The following NOXA1 variants were observed in gnomAD, a reference collection of about 807,000 sequenced individuals.
The protein encoded by NOXA1 is NADPH oxidase activator 1, also known as NCF2-like protein.
Under a neutral mutation model 64.8 loss-of-function variants are expected in NOXA1, and 56 were observed. The observed-to-expected ratio is 0.86, with a 90% confidence interval of 0.70 to 1.08. The LOEUF (loss-of-function observed/expected upper bound fraction) is 1.08. Among genes scored for constraint, NOXA1 ranks in the 50% least tolerant of loss-of-function variants. The pLI, the probability that NOXA1 is intolerant of heterozygous loss-of-function variation, is 0.00. For synonymous variants in NOXA1, 295 were observed against 294.8 expected, an observed-to-expected ratio of 1.00 and a Z score of -0.01; for missense variants, 668 against 658.5, an observed-to-expected ratio of 1.01 and a Z score of -0.16.
At position 137,431,319 on chromosome 9, in the gene NOXA1, C is replaced by A; in HGVS notation, c.782C>A (p.Thr261Lys). Residue 261 changes from threonine to lysine, a missense_variant, in exon 8 of 14, where the codon ACG (threonine) becomes AAG (lysine). By Grantham distance (78) the Thr-to-Lys change is moderately conservative. Coordinates refer to ENST00000683555, the MANE Select transcript of NOXA1 (RefSeq NM_001256067.2). This position sits in a 1 kb window ranked among gnomAD's most constrained non-coding sequence, Gnocchi z 5.6. ...ACAGAGGTCGGTGCTGACCGCTGCA[C>A]GTCGACTGCCTACCAGGAGCAGGTG... ...AETEVGADRC[T>K]STAYQEQRPQ... 1.2e-6 allele frequency: 2 copies of A among 1,610,494 alleles called. No homozygotes were observed. Among genetic ancestry groups the A allele is most frequent in the Non-Finnish European group, 1.7e-6 (2 of 1,179,880 alleles).
chr9:137,426,184 G>C (rs1363545881), intron 1 of NOXA1, 64 bp from the exon 2 acceptor site: 1 of 1,418,386 alleles, frequency 7.1e-7, no homozygotes, highest in Non-Finnish European at 1.0e-6. Flanking sequence ...CCATCACGCT[G>C]TATCTGTGAT....
Position 137,434,239 on chromosome 9 carries a change from T to C in NOXA1, c.1310T>C (p.Leu437Pro). 20 of 1,610,412 alleles carry C rather than the reference T, an allele frequency of 1.2e-5. No homozygotes were observed. Among genetic ancestry groups the C allele is most frequent in the Non-Finnish European group, 1.7e-5 (20 of 1,179,434 alleles). ...CCCCTTGCAGTGGACCAGGCATGGC[T>C]GGAGGGCCACTGTGACGGCCGCATC... ...DVLCEVDQAW[L>P]EGHCDGRIGI... Residue 437 changes from leucine (L) to proline (P), a missense_variant, in exon 14 of 14, where the codon CTG (leucine) becomes CCG (proline). By Grantham distance (98) the Leu-to-Pro change is moderately conservative. Coordinates refer to ENST00000683555, the MANE Select transcript of NOXA1 (RefSeq NM_001256067.2).
At chr9:137,433,645 G>C (rs756697061) in intron 11 of NOXA1, 38 bp downstream of exon 11, 2 of 1,527,222 alleles carry the variant, frequency 1.3e-6, no homozygotes, top group South Asian at 2.4e-5. Flanking sequence ...GGTGGAGCTG[G>C]GCACCGCCCC....
intron 8 of NOXA1, among the ~76,000 whole-genome samples, chr9:137,432,523 T>C (rs1426068913): frequency 1.3e-5 from 2 of 152,256 alleles, no homozygotes; most frequent in South Asian, 2.1e-4. Flanking sequence ...GAGCTTATAG[T>C]GAGCCAAGAT....
chr9:137,426,290 G>A lies in NOXA1; in HGVS notation c.220G>A (p.Gly74Ser), dbSNP rs1838845747. 1.9e-6 allele frequency: 3 copies of A among 1,613,718 alleles called. No individual in the cohort carries two copies. The highest frequency in any genetic ancestry group is 1.7e-5 in the Admixed American group (1 of 59,998). The change falls in exon 2 of 14, where the codon GGC becomes AGC. Residue 74 changes from glycine to serine, a missense_variant. Transcript: ENST00000683555. ...GACCAAGGACACCTGCATGGCGGTT[G>A]GCTTCTTCCAGCGAGGAGTGGCCAA... ...AVTKDTCMAV[G>S]FFQRGVANFQ...
At chr9:137,430,220 C>T (rs185813091) in intron 5 of NOXA1, among the ~76,000 whole-genome samples, 14 of 152,238 alleles carry the variant, frequency 9.2e-5, no homozygotes, top group Admixed American at 3.3e-4. Context: ...GTCTGGGCCA[C>T]GTCACGCCCA....
At chr9:137,433,665 A>C (rs1839223618) in intron 11 of NOXA1, 58 bp downstream of exon 11, 2 of 1,515,748 alleles carry the variant, frequency 1.3e-6, no homozygotes. Context: ...CGACTGAGGC[A>C]GCTGCTGGAA....
At position 137,434,033 on chromosome 9, in the gene NOXA1, G is replaced by A. The variant is rs747263361; in HGVS notation, c.1248G>A (p.Glu416=). The part of the protein sequence containing the change: ...AQHSYSAQGP[E]DLGFRQGDTV... ...ACAGCTACTCCGCCCAGGGGCCAGA[G>A]GACCTGGGCTTCCGACAGGGGGACA... Residue 416 remains glutamate, a synonymous_variant, in exon 13 of 14, where the codon GAG becomes GAA. Transcript: ENST00000683555. 1.3e-5 allele frequency: 21 copies of A among 1,574,512 alleles called. No individual in the cohort carries two copies. The highest frequency in any genetic ancestry group is 1.8e-5 in the Non-Finnish European group (21 of 1,165,026).
Position 137,430,822 on chromosome 9 carries a change from C to G in NOXA1, c.651C>G (p.Gly217=). The change falls in exon 6 of 14, where the codon GGC becomes GGG. Residue 217 remains glycine, a synonymous_variant. Transcript: ENST00000683555. ...CCATCCCCGACGACCAGGGCTGGGG[C>G]GTCCGCCCTCAGCAGCCACAGGTGG... ...ASAIPDDQGW[G]VRPQQPQGPG... is the part of the protein sequence containing the mutation. The G allele has an allele frequency of 6.3e-7, 1 of 1,590,522 alleles. No homozygotes were observed. Among genetic ancestry groups the G allele is most frequent in the South Asian group, 1.1e-5 (1 of 89,804 alleles).
At chr9:137,423,761 G>A (rs1224474351) in intron 1 of NOXA1, 55 bp downstream of exon 1, 1 of 1,205,624 alleles carries the variant, frequency 8.3e-7, no homozygotes, top group African/African-American at 1.6e-5. Flanking sequence ...CGAGCCCCTG[G>A]GGAGGGCCCA....
intron 1 of NOXA1, among the ~76,000 whole-genome samples, chr9:137,425,521 G>A (rs1366599508): frequency 6.6e-6 from 1 of 152,168 alleles, no homozygotes; most frequent in African/African-American, 2.4e-5. Context: ...GAGTAGCTGG[G>A]ACTACAGGCG....
chr9:137,425,537 C>T (rs1564234570), intron 1 of NOXA1, among the ~76,000 whole-genome samples: 1 of 152,170 alleles, frequency 6.6e-6, no homozygotes, highest in Non-Finnish European at 1.5e-5. Flanking sequence ...AGGCGCGTGC[C>T]GCCATGCCCA....
At chr9:137,429,745 T>C (rs1000026528) in intron 5 of NOXA1, among the ~76,000 whole-genome samples, 1 of 148,006 alleles carries the variant, frequency 6.8e-6, no homozygotes, top group African/African-American at 2.5e-5. Context: ...TCTCCCTGTG[T>C]CCCTGCCACA....
At position 137,433,083 on chromosome 9, in the gene NOXA1, G is replaced by A. The variant is rs752674136; in HGVS notation, c.850+9G>A. ...GGCTCCTCTCTCCCCAGGTATGGGC[G>A]TCCTCAGCGGCGGGGTCCCCGGGTG... On this transcript the variant is annotated intron_variant, in intron 9 of 13. Coordinates refer to ENST00000683555, the MANE Select transcript of NOXA1 (RefSeq NM_001256067.2). 2.8e-5 allele frequency: 45 copies of A among 1,612,774 alleles called. No individual in the cohort carries two copies. The Admixed American group carries it at 3.7e-4, about 13-fold the overall frequency.
chr9:137,433,905 G>A, intron 12 of NOXA1, 41 bp downstream of exon 12: 1 of 1,490,390 alleles, frequency 6.7e-7, no homozygotes, highest in Non-Finnish European at 9.0e-7. Flanking sequence ...ACCCTGAGGG[G>A]CGGTGGAGGC....
At chr9:137,433,937 C>CGACCT in intron 12 of NOXA1, 28 bp from the exon 13 acceptor site, 2 of 1,529,196 alleles carry the variant, frequency 1.3e-6, no homozygotes, top group Non-Finnish European at 1.8e-6. Flanking sequence ...GTGCCCGGCC[C>CGACCT]GACCTGCAGC....
At chr9:137,428,295 C>T (rs1024611509) in intron 3 of NOXA1, among the ~76,000 whole-genome samples, 154 bp downstream of exon 3, 2 of 152,180 alleles carry the variant, frequency 1.3e-5, no homozygotes, top group African/African-American at 2.4e-5. Context: ...GCAGGAGGTT[C>T]TGGTGGCAGT....
In NOXA1 at chr9:137,430,824, T is replaced by G. The variant is rs1839078011; in HGVS notation, c.653T>G (p.Val218Gly). 6.3e-7 allele frequency: 1 copy of G among 1,590,052 alleles called. No homozygotes were observed. The highest frequency in any genetic ancestry group is 1.3e-5 in the African/African-American group (1 of 74,538). ...SAIPDDQGWG[V>G]RPQQPQGPGA... Reference sequence around the variant, plus strand: ...ATCCCCGACGACCAGGGCTGGGGCGTCCGCCCTCAGCAGCCACAGGTGGGT... The same window carrying G: ...ATCCCCGACGACCAGGGCTGGGGCGGCCGCCCTCAGCAGCCACAGGTGGGT... Residue 218 changes from valine to glycine, a missense_variant, in exon 6 of 14, where the codon GTC (valine) becomes GGC (glycine). Val to Gly is a moderately radical substitution (Grantham distance 109). Transcript: ENST00000683555.
At chr9:137,427,940 T>C (rs2131878248) in intron 2 of NOXA1, 93 bp from the exon 3 acceptor site, 2 of 810,504 alleles carry the variant, frequency 2.5e-6, no homozygotes, top group Non-Finnish European at 4.0e-6. Context: ...GAACCAGGTG[T>C]TGGGGGCGGC....
Sources: gnomAD v4.1 joint callset for allele counts (sites outside exome capture counted in the v4.1 genomes callset) on GRCh38, gnomAD v4.1.1 for gene constraint, Gnocchi (gnomAD v3.1) non-coding constraint, MANE v1.5 for transcripts, NCBI Gene and HGNC (gene_info 2026-07-23, HGNC 2026-07-21) for gene names.